Variants in XPO1 observed in about 807,000 individuals in gnomAD.
The protein encoded by XPO1 is exportin 1.
A neutral mutation model predicts 133.3 loss-of-function variants in XPO1; 5 were observed. The ratio of observed to expected loss-of-function variants is 0.04; its 90% CI spans 0.02 to 0.08. The LOEUF (loss-of-function observed/expected upper bound fraction) is 0.08, where lower values mean the gene tolerates loss of function less well. Ranked by LOEUF, XPO1 falls within the 10% of genes least tolerant of loss-of-function variation. XPO1 has a pLI of 1.00. For synonymous variants in XPO1, 419 were observed against 408.2 expected, an observed-to-expected ratio of 1.03 and a Z score of -0.32; for missense variants, 506 against 1,267.5, an observed-to-expected ratio of 0.40 and a Z score of 9.12.
chr2:61,526,569 G>A (rs1285860170), intron 2 of XPO1, 48 bp from the exon 3 acceptor site: 1 of 1,386,460 alleles, frequency 7.2e-7, no homozygotes, highest in African/African-American at 1.5e-5. Context: ...GTATTCTTTT[G>A]AATCATTCAT....
At chr2:61,497,888 T>C (rs1159708578) in intron 9 of XPO1, among the ~76,000 whole-genome samples, 7 of 152,188 alleles carry the variant, frequency 4.6e-5, no homozygotes, top group South Asian at 2.1e-4. Context: ...CTGTTGACAA[T>C]AGAAAGGTTT....
chr2:61,508,137 G>A (rs926389569), intron 4 of XPO1, among the ~76,000 whole-genome samples: 1 of 151,844 alleles, frequency 6.6e-6, no homozygotes, highest in Non-Finnish European at 1.5e-5. Flanking sequence ...GCCAAGGCAC[G>A]TGGATCACCT....
chr2:61,512,016 G>A (rs1044654851), intron 4 of XPO1, among the ~76,000 whole-genome samples: 1 of 151,986 alleles, frequency 6.6e-6, no homozygotes, highest in African/African-American at 2.4e-5. Context: ...ACAATTGCCT[G>A]CCTAGGCCTC....
At position 61,499,742 on chromosome 2, in the gene XPO1, G is replaced by A; in HGVS notation, c.561C>T (p.Thr187=). The change falls in exon 7 of 25, where the codon ACC becomes ACT. Residue 187 remains threonine, a synonymous_variant. Transcript: ENST00000401558. ...CTTTTAAATGCTTAGATTTGACTTG[G>A]GTTATCTGTCCACTAGAGAAATCAA... The part of the protein sequence containing the change: ...EVFDFSSGQI[T]QVKSKHLKDS... The A allele has an allele frequency of 6.3e-7, 1 of 1,594,680 alleles. No homozygotes were observed. Among genetic ancestry groups the A allele is most frequent in the South Asian group, 1.2e-5 (1 of 86,232 alleles).
chr2:61,534,048 T>A, intron 1 of XPO1, 145 bp from the exon 2 acceptor site: 1 of 746,922 alleles, frequency 1.3e-6, no homozygotes, highest in East Asian at 3.3e-5. Context: ...ACTGAGATAG[T>A]AAAAGCAAGT....
chr2:61,512,559 G>A (rs1698146526), intron 4 of XPO1, among the ~76,000 whole-genome samples: 1 of 152,110 alleles, frequency 6.6e-6, no homozygotes, highest in Non-Finnish European at 1.5e-5. Flanking sequence ...AGTGAACAAT[G>A]GCAATTCTCT....
At chr2:61,534,885 A>AT (rs34853818) in intron 1 of XPO1, among the ~76,000 whole-genome samples, 99,374 of 151,406 alleles carry the variant, frequency 0.66, 33,115 homozygotes, top group African/African-American at 0.78. Flanking sequence ...GGGGATTGAA[A>AT]TAAAGCTACA....
intron 4 of XPO1, among the ~76,000 whole-genome samples, chr2:61,515,585 T>C (rs1198165311): frequency 6.6e-6 from 1 of 152,168 alleles, no homozygotes; most frequent in Non-Finnish European, 1.5e-5. Flanking sequence ...TTCCTATACA[T>C]TAGCTCTAAT....
chr2:61,525,185 T>C (rs1459120925), intron 3 of XPO1: 1 of 790,378 alleles, frequency 1.3e-6, no homozygotes, highest in Non-Finnish European at 1.5e-6. Flanking sequence ...TTTTATGCAT[T>C]GAATTCCCCT....
At chr2:61,520,829 T>C (rs1421469274) in intron 4 of XPO1, among the ~76,000 whole-genome samples, 1 of 152,194 alleles carries the variant, frequency 6.6e-6, no homozygotes, top group Non-Finnish European at 1.5e-5. Flanking sequence ...TTTAAAATTA[T>C]ACAACAGTAA....
intron 4 of XPO1, among the ~76,000 whole-genome samples, chr2:61,511,204 A>C (rs1031318487): frequency 1.3e-5 from 2 of 151,244 alleles, no homozygotes; most frequent in African/African-American, 4.9e-5. Flanking sequence ...GCTCACTGCA[A>C]CCTCCACCTC....
intron 11 of XPO1, chr2:61,494,784 ATACT>A (rs1459400844): frequency 2.8e-4 from 42 of 149,124 alleles, no homozygotes; most frequent in African/African-American, 9.0e-4. Context: ...ATATATATAT[ATACT>A]TATGTTTATA....
At chr2:61,501,728 A>AAAAAAAAAAAAAAAAAAAAAAAAAAAG (rs1558649299) in intron 6 of XPO1, among the ~76,000 whole-genome samples, 13 of 138,318 alleles carry the variant, frequency 9.4e-5, no homozygotes, top group African/African-American at 3.3e-4. Flanking sequence ...CTCCAAAAAA[A>AAAAAAAAAAAAAAAAAAAAAAAAAAAG]AAAAAAAAAG....
intron 4 of XPO1, among the ~76,000 whole-genome samples, chr2:61,505,149 C>G (rs1219874611): frequency 2.6e-5 from 4 of 151,780 alleles, no homozygotes; most frequent in Non-Finnish European, 4.4e-5. Flanking sequence ...TAGCTGGGAC[C>G]ACAGGTGCTT....
At chr2:61,526,295 G>A in intron 3 of XPO1, 125 bp downstream of exon 3, 1 of 1,457,938 alleles carries the variant, frequency 6.9e-7, no homozygotes, top group Non-Finnish European at 9.0e-7. Context: ...ACTAAATTTT[G>A]AAACAAATTA....
chr2:61,489,140 G>A (rs768385228), intron 17 of XPO1, among the ~76,000 whole-genome samples: 2 of 149,488 alleles, frequency 1.3e-5, no homozygotes, highest in African/African-American at 4.9e-5. Flanking sequence ...ATGGCCAGGC[G>A]AGGTGGCTCA....
At chr2:61,511,982 C>G (rs1378285404) in intron 4 of XPO1, among the ~76,000 whole-genome samples, 1 of 152,046 alleles carries the variant, frequency 6.6e-6, no homozygotes, top group Non-Finnish European at 1.5e-5. Flanking sequence ...GTTGGCCAGA[C>G]TGGTCTCGAA....
chr2:61,487,390 T>TG (rs1696747615), intron 19 of XPO1, among the ~76,000 whole-genome samples: 1 of 152,230 alleles, frequency 6.6e-6, no homozygotes, highest in South Asian at 2.1e-4. Context: ...ATAATACGCA[T>TG]GTTCAGAACC....
intron 17 of XPO1, among the ~76,000 whole-genome samples, chr2:61,490,302 G>A (rs1269515615): frequency 6.6e-6 from 1 of 150,430 alleles, no homozygotes; most frequent in Non-Finnish European, 1.5e-5. Context: ...GGGTTCAAGT[G>A]ATTCTCCTGC....
Sources: gnomAD v4.1 joint callset for allele counts (sites outside exome capture counted in the v4.1 genomes callset) on GRCh38, gnomAD v4.1.1 for gene constraint, MANE v1.5 for transcripts, NCBI Gene and HGNC (gene_info 2026-07-23, HGNC 2026-07-21) for gene names.